LMO7: variants seen among roughly 807,000 people sequenced by gnomAD.
LMO7 encodes LIM domain 7.
A neutral mutation model predicts 206.5 loss-of-function variants in LMO7; 120 were observed. The ratio of observed to expected loss-of-function variants is 0.58; its 90% CI spans 0.50 to 0.68. The LOEUF (loss-of-function observed/expected upper bound fraction) is 0.68. Among genes scored for constraint, LMO7 ranks in the 30% least tolerant of loss-of-function variants. The pLI, the probability that LMO7 is intolerant of heterozygous loss-of-function variation, is 0.00. For synonymous variants in LMO7, 706 were observed against 681.5 expected (o/e 1.04, Z -0.56); for missense variants, 1,959 against 1,957.9 (o/e 1.00, Z -0.01).
At chr13:75,851,380 A>G (rs1697287692) in intron 27 of LMO7, among the ~76,000 whole-genome samples, 1 of 152,210 alleles carries the variant, frequency 6.6e-6, no homozygotes, top group Admixed American at 6.5e-5. Context: ...ATTTGTATGT[A>G]TGTGTAAATA....
intron 1 of LMO7, among the ~76,000 whole-genome samples, chr13:75,705,392 T>C (rs2042581039): frequency 6.6e-6 from 1 of 152,240 alleles, no homozygotes; most frequent in Non-Finnish European, 1.5e-5. Flanking sequence ...TATTCTCTCC[T>C]GATGTGTATC....
intron 20 of LMO7, chr13:75,839,841 A>C (rs2059430981): frequency 9.3e-6 from 4 of 430,782 alleles, no homozygotes; most frequent in Non-Finnish European, 1.2e-5. Context: ...TAATACCTAG[A>C]GCTAGGGTTT....
chr13:75,776,007 T>A (rs2050319896), intron 4 of LMO7, among the ~76,000 whole-genome samples: 1 of 150,416 alleles, frequency 6.6e-6, no homozygotes, highest in South Asian at 2.1e-4. Flanking sequence ...CCTGCAGTCA[T>A]GTTTATTGCA....
intron 19 of LMO7, 147 bp downstream of exon 19, chr13:75,836,604 T>G: frequency 1.8e-6 from 1 of 553,184 alleles, no homozygotes; most frequent in Middle Eastern, 4.0e-4. Context: ...CAGATCCAAT[T>G]GCAGCCAGGT....
intron 11 of LMO7, among the ~76,000 whole-genome samples, chr13:75,814,492 C>A (rs1251177640): frequency 6.6e-6 from 1 of 152,148 alleles, no homozygotes; most frequent in Non-Finnish European, 1.5e-5. Context: ...AGGGACAGAG[C>A]AGCTTTGATA....
At chr13:75,778,084 A>G (rs1243070530) in intron 4 of LMO7, among the ~76,000 whole-genome samples, 3 of 152,342 alleles carry the variant, frequency 2.0e-5, no homozygotes, top group East Asian at 3.9e-4. Context: ...TTTAAAACCA[A>G]TGCAAGGTAA....
intron 3 of LMO7, among the ~76,000 whole-genome samples, chr13:75,735,236 C>G (rs1012151086): frequency 7.2e-5 from 11 of 151,768 alleles, no homozygotes; most frequent in African/African-American, 1.7e-4. Context: ...TGCTGTGACT[C>G]TACTTGTCCC....
chr13:75,849,621 T>C (rs1482866254), intron 27 of LMO7, among the ~76,000 whole-genome samples: 1 of 152,020 alleles, frequency 6.6e-6, no homozygotes, highest in African/African-American at 2.4e-5. Context: ...GCTTAAATAA[T>C]GCACAGTGCT....
intron 2 of LMO7, among the ~76,000 whole-genome samples, chr13:75,626,582 TATATATATATAAA>T (rs2034150798): frequency 8.8e-6 from 1 of 113,524 alleles, no homozygotes. Context: ...ATATATTATA[TATATATATATAAA>T]TTTTTTTGAG....
chr13:75,812,449 G>C (rs2056507172), intron 11 of LMO7, among the ~76,000 whole-genome samples: 1 of 151,010 alleles, frequency 6.6e-6, no homozygotes. Context: ...CTTAACCCTA[G>C]TATCATGGAA....
At chr13:75,706,370 A>T (rs1292600431) in intron 1 of LMO7, among the ~76,000 whole-genome samples, 2 of 152,186 alleles carry the variant, frequency 1.3e-5, no homozygotes, top group Non-Finnish European at 2.9e-5. Flanking sequence ...GTTTTATTTT[A>T]GGGGGAGTCT....
At position 75,853,259 on chromosome 13, in the gene LMO7, C is replaced by G; in HGVS notation, c.4532C>G (p.Ser1511Cys). ...TSNRAYMRNP[S>C]SSVPPPSAGS... ...AACCGTGCCTACATGCGGAACCCCT[C>G]CTCCAGCGTGCCCCCACCTTCAGCT... Residue 1511 changes from serine to cysteine, a missense_variant, in exon 28 of 31, where the codon TCC becomes TGC. By Grantham distance (112) the Ser-to-Cys change is moderately radical. Transcript: ENST00000377534. The G allele has an allele frequency of 6.2e-7, 1 of 1,614,142 alleles. No homozygotes were observed. The highest frequency in any genetic ancestry group is 1.3e-5 in the African/African-American group (1 of 75,028).
chr13:75,691,024 GTATTCATACATATTT>G (rs1487610311), intron 1 of LMO7, among the ~76,000 whole-genome samples: 22 of 152,022 alleles, frequency 1.4e-4, no homozygotes, highest in Admixed American at 7.9e-4. Context: ...ATATGTATAT[GTATTCATACATATTT>G]TATTCATACA....
chr13:75,643,549 T>A (rs986220373), intron 1 of LMO7, among the ~76,000 whole-genome samples: 3 of 152,238 alleles, frequency 2.0e-5, no homozygotes, highest in Non-Finnish European at 2.9e-5. Context: ...CTTAAGCCTG[T>A]TAACTATCAA....
rs1325275045 is a variant in LMO7 at position 75,859,649 on chromosome 13, T to C, written c.*1706T>C. ...ATTTTCATAGACATGAAATAGTTGC[T>C]CAGAGATTATGCATTTTAAGACACT... On this transcript the variant is annotated 3_prime_UTR_variant, in exon 31 of 31. Coordinates refer to ENST00000377534, the MANE Select transcript of LMO7 (RefSeq NM_001306080.2). The C allele has an allele frequency of 6.6e-6, 1 of 152,208 alleles. No homozygotes were observed. The highest frequency in any genetic ancestry group is 1.5e-5 in the Non-Finnish European group (1 of 68,032). 9.4% of individuals were successfully genotyped at this position (152,208 alleles called of 1,614,324 possible).
chr13:75,847,192 A>G (rs2060073875), intron 26 of LMO7, among the ~76,000 whole-genome samples: 1 of 152,238 alleles, frequency 6.6e-6, no homozygotes, highest in East Asian at 1.9e-4. Context: ...TTTTGAAAGA[A>G]TGGCAGTAGC....
chr13:75,804,706 A>G (rs530639904), intron 8 of LMO7, 165 bp downstream of exon 8: 1 of 1,072,784 alleles, frequency 9.3e-7, no homozygotes, highest in Admixed American at 3.0e-5. Context: ...ACATATCTTG[A>G]AGCCATTTCT....
intron 2 of LMO7, among the ~76,000 whole-genome samples, chr13:75,713,871 A>G (rs932433704): frequency 6.6e-6 from 1 of 152,228 alleles, no homozygotes; most frequent in Non-Finnish European, 1.5e-5. Flanking sequence ...CAATGGATGC[A>G]TAGTACAGTT....
At chr13:75,819,302 T>TA in intron 12 of LMO7, 91 bp from the exon 13 acceptor site, 1 of 1,397,420 alleles carries the variant, frequency 7.2e-7, no homozygotes, top group Non-Finnish European at 9.5e-7. Context: ...ATAGTTTCAG[T>TA]GATGTAATAA....
Sources: allele counts gnomAD v4.1 joint callset (sites outside exome capture counted in the v4.1 genomes callset), GRCh38; gene constraint gnomAD v4.1.1; transcripts MANE v1.5; gene names NCBI Gene and HGNC (gene_info 2026-07-23, HGNC 2026-07-21).